Variants in CSMD1 observed in about 807,000 individuals in gnomAD.
CSMD1 encodes the protein CUB and Sushi multiple domains 1.
Under a neutral mutation model 417.5 loss-of-function variants are expected in CSMD1, and 213 were observed. The observed-to-expected ratio is 0.51, with a 90% confidence interval of 0.46 to 0.57. CSMD1 has a LOEUF of 0.57. Ranked by LOEUF, CSMD1 falls within the 20% of genes least tolerant of loss-of-function variation. The probability of loss-of-function intolerance (pLI) is 0.00; values close to 1 mark genes in which losing one functional copy is unlikely to be tolerated. For synonymous variants in CSMD1, 2,862 were observed against 1,736.8 expected, an observed-to-expected ratio of 1.65 and a Z score of -16.11; for missense variants, 6,923 against 4,529.7, an observed-to-expected ratio of 1.53 and a Z score of -15.17.
intron 1 of CSMD1, among the ~76,000 whole-genome samples, chr8:4,800,289 G>A (rs974573070): frequency 5.9e-5 from 9 of 151,854 alleles, no homozygotes; most frequent in African/African-American, 2.2e-4. Context: ...AAATTAGCTG[G>A]GCATGGTGGT....
chr8:2,983,195 A>T (rs1234123069), intron 54 of CSMD1, among the ~76,000 whole-genome samples: 3 of 150,918 alleles, frequency 2.0e-5, no homozygotes, highest in Admixed American at 6.6e-5. Flanking sequence ...ATACATATAT[A>T]TTTTTTTTTG....
intron 5 of CSMD1, among the ~76,000 whole-genome samples, chr8:3,846,726 T>TGACTCAGTGCAACCTC (rs1803530612): frequency 6.6e-6 from 1 of 152,130 alleles, no homozygotes; most frequent in Non-Finnish European, 1.5e-5. Flanking sequence ...GGTGCAACCT[T>TGACTCAGTGCAACCTC]GACTCACTGC....
intron 5 of CSMD1, among the ~76,000 whole-genome samples, chr8:3,889,791 T>G (rs939906660): frequency 6.6e-6 from 1 of 152,008 alleles, no homozygotes. Flanking sequence ...TATATAGGTA[T>G]CCCATACTCT....
intron 3 of CSMD1, among the ~76,000 whole-genome samples, chr8:4,406,174 T>G (rs1224545047): frequency 6.6e-6 from 1 of 152,188 alleles, no homozygotes; most frequent in Non-Finnish European, 1.5e-5. Flanking sequence ...TTAGATATGC[T>G]GAGTAGGATT....
Position 2,982,895 on chromosome 8 carries a change from T to C in CSMD1, c.8378-4095A>G, listed in dbSNP as rs548119461. On this transcript the variant is annotated intron_variant, in intron 54 of 69. Coordinates refer to ENST00000635120, the MANE Select transcript of CSMD1 (RefSeq NM_033225.6). ...GCCACCTGTCTGCACGCTGGTCTCT[T>C]ATAGGCAGCTTGGCTCTAAGCTGAA... Among the ~76,000 whole-genome samples the C allele has an allele frequency of 4.6e-5, 7 of 152,208 alleles. No homozygotes were observed. In the South Asian group the frequency reaches 1.5e-3, roughly 32 times the overall value.
At chr8:3,168,284 A>G (rs1173513854) in intron 37 of CSMD1, among the ~76,000 whole-genome samples, 1 of 152,092 alleles carries the variant, frequency 6.6e-6, no homozygotes, top group Non-Finnish European at 1.5e-5. Context: ...AAAGACAACA[A>G]CTTGTTGGCT....
At chr8:4,006,062 G>A (rs754650709) in intron 4 of CSMD1, among the ~76,000 whole-genome samples, 10 of 152,198 alleles carry the variant, frequency 6.6e-5, no homozygotes, top group Non-Finnish European at 1.3e-4. Context: ...CAAGGAATGA[G>A]CTGGAGGAAG....
intron 44 of CSMD1, among the ~76,000 whole-genome samples, 171 bp from the exon 45 acceptor site, chr8:3,107,969 T>C (rs1302680758): frequency 6.6e-6 from 1 of 152,230 alleles, no homozygotes; most frequent in African/African-American, 2.4e-5. Context: ...AATGTTCATA[T>C]TATTATTTAG....
At position 3,180,926 on chromosome 8, in the gene CSMD1, G is replaced by C. The variant is rs536331351; in HGVS notation, c.5725+184C>G. Reference sequence around the variant, plus strand: ...CCCAACGTGCTGGGATTATAGGCATGAGTCACCGCAACTGGCTTATGTATT... The same window carrying C: ...CCCAACGTGCTGGGATTATAGGCATCAGTCACCGCAACTGGCTTATGTATT... On this transcript the variant is annotated intron_variant, in intron 37 of 69. Coordinates refer to ENST00000635120, the MANE Select transcript of CSMD1 (RefSeq NM_033225.6). Among the ~76,000 whole-genome samples the C allele has an allele frequency of 3.3e-5, 5 of 152,222 alleles. No homozygotes were observed. The South Asian group carries it at 8.3e-4, about 25-fold the overall frequency.
At chr8:4,599,849 C>A (rs1411527398) in intron 2 of CSMD1, among the ~76,000 whole-genome samples, 1 of 152,162 alleles carries the variant, frequency 6.6e-6, no homozygotes, top group Non-Finnish European at 1.5e-5. Context: ...AAATGATCTC[C>A]AACTTAGAGA....
At chr8:3,957,559 T>G (rs771077586) in intron 5 of CSMD1, among the ~76,000 whole-genome samples, 6 of 152,030 alleles carry the variant, frequency 3.9e-5, no homozygotes, top group Admixed American at 3.3e-4. Context: ...CGGGGCATAC[T>G]TGTAGTCCCA....
chr8:3,983,841 G>A (rs1037231990), intron 5 of CSMD1, among the ~76,000 whole-genome samples: 3 of 151,928 alleles, frequency 2.0e-5, no homozygotes, highest in Non-Finnish European at 2.9e-5. Flanking sequence ...AGATCTGGCC[G>A]GCTGTCAATT....
chr8:3,937,075 G>A (rs1277374233), intron 5 of CSMD1, among the ~76,000 whole-genome samples: 1 of 152,172 alleles, frequency 6.6e-6, no homozygotes, highest in African/African-American at 2.4e-5. Context: ...AGAATTAGAA[G>A]TAGAACTGAA....
At chr8:4,189,132 C>T (rs1198365569) in intron 3 of CSMD1, among the ~76,000 whole-genome samples, 1 of 152,170 alleles carries the variant, frequency 6.6e-6, no homozygotes, top group Non-Finnish European at 1.5e-5. Context: ...GCCCTGTAAA[C>T]CAAGTTTGTG....
intron 1 of CSMD1, among the ~76,000 whole-genome samples, chr8:4,832,087 C>G (rs910213257): frequency 1.3e-5 from 2 of 152,216 alleles, no homozygotes; most frequent in Admixed American, 6.5e-5. Context: ...ATCTACCCTT[C>G]TCTTCGGGAA....
chr8:3,248,117 C>G (rs552414258), intron 26 of CSMD1, among the ~76,000 whole-genome samples: 7 of 152,262 alleles, frequency 4.6e-5, no homozygotes, highest in African/African-American at 1.7e-4. Flanking sequence ...GACTTGAGGC[C>G]AGGAGTTTGA....
chr8:4,205,570 C>T (rs78369337), intron 3 of CSMD1, among the ~76,000 whole-genome samples: 4,362 of 152,262 alleles, frequency 0.029, 212 homozygotes, highest in African/African-American at 0.1. Context: ...ACTGAAGTGA[C>T]ACAGCATATA....
chr8:3,572,790 C>G (rs555860674), intron 10 of CSMD1, among the ~76,000 whole-genome samples: 6 of 152,114 alleles, frequency 3.9e-5, no homozygotes, highest in African/African-American at 7.2e-5. Flanking sequence ...AATCTATTTA[C>G]TCTTAACTCA....
At chr8:4,588,596 T>A (rs1195087938) in intron 2 of CSMD1, among the ~76,000 whole-genome samples, 1 of 151,604 alleles carries the variant, frequency 6.6e-6, no homozygotes, top group Non-Finnish European at 1.5e-5. Flanking sequence ...ACCATCCTGG[T>A]TAACACGGTG....
Sources: gnomAD v4.1 joint callset for allele counts (sites outside exome capture counted in the v4.1 genomes callset) on GRCh38, gnomAD v4.1.1 for gene constraint, MANE v1.5 for transcripts, NCBI Gene and HGNC (gene_info 2026-07-23, HGNC 2026-07-21) for gene names.